Variants in BCAS3 observed in about 807,000 individuals in gnomAD.
BCAS3 encodes BCAS3 microtubule associated cell migration factor, also known as BCAS4/BCAS3 fusion.
Under a neutral mutation model 116.1 loss-of-function variants are expected in BCAS3, and 53 were observed. The observed-to-expected ratio is 0.46, with a 90% CI of 0.37 to 0.57. BCAS3 has a LOEUF of 0.57. BCAS3 is among the 20% of genes least tolerant of loss of function. BCAS3 has a pLI of 0.00. For missense variants in BCAS3, 917 were observed against 1,165.4 expected (o/e 0.79, Z 3.10); for synonymous variants, 391 against 408.2 (o/e 0.96, Z 0.51).
intron 14 of BCAS3, among the ~76,000 whole-genome samples, chr17:60,979,471 T>G (rs2062647433): frequency 6.7e-6 from 1 of 148,550 alleles, no homozygotes; most frequent in Non-Finnish European, 1.5e-5. Flanking sequence ...TGACTTCCTC[T>G]TGAATACACC....
intron 6 of BCAS3, among the ~76,000 whole-genome samples, chr17:60,798,691 C>T (rs1304652740): frequency 2.0e-5 from 3 of 152,178 alleles, no homozygotes; most frequent in Non-Finnish European, 2.9e-5. Context: ...AGTTCATTTT[C>T]GTAATTACCA....
chr17:60,831,862 G>T (rs1333968825), intron 7 of BCAS3, among the ~76,000 whole-genome samples: 1 of 101,302 alleles, frequency 9.9e-6, no homozygotes, highest in African/African-American at 5.3e-5. Context: ...ATATTGTAAA[G>T]TAATGTCATT....
At chr17:61,154,198 A>G (rs1312303219) in intron 22 of BCAS3, among the ~76,000 whole-genome samples, 1 of 152,092 alleles carries the variant, frequency 6.6e-6, no homozygotes, top group Non-Finnish European at 1.5e-5. Flanking sequence ...GGAAGGAAGG[A>G]AGGGAGGGAA....
At chr17:60,932,672 G>A (rs2059712407) in intron 13 of BCAS3, among the ~76,000 whole-genome samples, 2 of 149,772 alleles carry the variant, frequency 1.3e-5, no homozygotes, top group South Asian at 4.2e-4. Context: ...AACTTGGGAG[G>A]CGGAGCTTGC....
chr17:61,017,944 T>C lies in BCAS3; in HGVS notation c.1637+2043T>C, dbSNP rs1600504339. 6.6e-6 allele frequency among the ~76,000 whole-genome samples: 1 copy of C among 152,218 alleles called. No individual in the cohort carries two copies. Among genetic ancestry groups the C allele is most frequent in the African/African-American group, 2.4e-5 (1 of 41,462 alleles). ...GTTTCCTTTTCTTACAAAAATTTGC[T>C]CTCTGTTCTCAGATTTTTGGAGCAT... On this transcript the variant is annotated intron_variant, in intron 16 of 23. Transcript: ENST00000407086. This position sits in a 1 kb window ranked among gnomAD's most constrained non-coding sequence, Gnocchi z 4.7.
chr17:60,910,663 C>T lies in BCAS3; in HGVS notation c.954C>T (p.Ile318=). Residue 318 remains isoleucine, a synonymous_variant, in exon 12 of 24, where the codon ATC becomes ATT. Coordinates refer to ENST00000407086, the MANE Select transcript of BCAS3 (RefSeq NM_017679.5). The stretch of plus-strand genomic sequence containing the variant: ...GGCGGAGTCCTTTGGTCCCAGGCAT[C>T]ATCACAGTTATTGACACCGAAACCG... ...NSRRSPLVPG[I]ITVIDTETVG... is the part of the protein sequence containing the mutation. 1 of 1,612,204 alleles carries T rather than the reference C, an allele frequency of 6.2e-7. No individual in the cohort carries two copies. Among genetic ancestry groups the T allele is most frequent in the Non-Finnish European group, 8.5e-7 (1 of 1,179,156 alleles).
chr17:61,116,076 C>A (rs1354885017), intron 22 of BCAS3, among the ~76,000 whole-genome samples: 1 of 130,768 alleles, frequency 7.6e-6, no homozygotes, highest in African/African-American at 3.0e-5. Context: ...GAATATCACA[C>A]TCTGGGGACT....
rs1352227356 is a variant in BCAS3, at chr17:61,349,970, C to A, written c.2426-18357C>A. ...GTTAAGATCAATAATCTCTCCTGAA[C>A]AATTGGCTTTGGGACATTGTCTTTC... On this transcript the variant is annotated intron_variant, in intron 22 of 23. Transcript: ENST00000407086. This position sits in a 1 kb window ranked among gnomAD's most constrained non-coding sequence, Gnocchi z 4.7. Among the ~76,000 whole-genome samples the A allele has an allele frequency of 6.6e-6, 1 of 152,116 alleles. No individual in the cohort carries two copies. Among genetic ancestry groups the A allele is most frequent in the African/African-American group, 2.4e-5 (1 of 41,416 alleles).
At chr17:61,275,109 C>G (rs967087238) in intron 22 of BCAS3, among the ~76,000 whole-genome samples, 2 of 152,082 alleles carry the variant, frequency 1.3e-5, no homozygotes, top group African/African-American at 4.8e-5. Context: ...CATCAGCCTC[C>G]CAAAGTACTA....
Position 61,077,470 on chromosome 17 carries a change from T to C in BCAS3, c.2131-863T>C, listed in dbSNP as rs1212860831. On this transcript the variant is annotated intron_variant, in intron 20 of 23. Coordinates refer to ENST00000407086, the MANE Select transcript of BCAS3 (RefSeq NM_017679.5). The surrounding 1 kb of genome is among the most constrained non-coding windows in gnomAD (Gnocchi z 4.3). ...AGGCGGAGCTTGCAGTGAGCGGAGA[T>C]CACGCCACTGCACTCCAGTCTGGGC... Among the ~76,000 whole-genome samples the C allele has an allele frequency of 6.6e-6, 1 of 151,860 alleles. No homozygotes were observed. The highest frequency in any genetic ancestry group is 1.5e-5 in the Non-Finnish European group (1 of 67,996).
chr17:60,976,961 C>T (rs2062428234), intron 14 of BCAS3, among the ~76,000 whole-genome samples: 1 of 152,166 alleles, frequency 6.6e-6, no homozygotes, highest in Non-Finnish European at 1.5e-5. Flanking sequence ...GATACACCTC[C>T]CAGACGGGGT....
At position 61,171,721 on chromosome 17, in the gene BCAS3, A is replaced by G. The variant is rs2078850520; in HGVS notation, c.2425+87157A>G. Among the ~76,000 whole-genome samples, 1 of 152,156 alleles carries G rather than the reference A, an allele frequency of 6.6e-6. No individual in the cohort carries two copies. The highest frequency in any genetic ancestry group is 6.5e-5 in the Admixed American group (1 of 15,280). ...CTGCAGCCTCAAACTCCTGGGCTCAAGTCATCCTCCTGCTTCAGCCTCCTG... is the reference window on the plus strand; with the variant it reads ...CTGCAGCCTCAAACTCCTGGGCTCAGGTCATCCTCCTGCTTCAGCCTCCTG... On this transcript the variant is annotated intron_variant, in intron 22 of 23. Coordinates refer to ENST00000407086, the MANE Select transcript of BCAS3 (RefSeq NM_017679.5). This position sits in a 1 kb window ranked among gnomAD's most constrained non-coding sequence, Gnocchi z 4.1.
At position 61,017,709 on chromosome 17, in the gene BCAS3, T is replaced by G. The variant is rs1374797728; in HGVS notation, c.1637+1808T>G. 2.0e-5 allele frequency among the ~76,000 whole-genome samples: 3 copies of G among 152,196 alleles called. No individual in the cohort carries two copies. Among genetic ancestry groups the G allele is most frequent in the Admixed American group, 6.5e-5 (1 of 15,288 alleles). On this transcript the variant is annotated intron_variant, in intron 16 of 23. Transcript: ENST00000407086. The surrounding 1 kb of genome is among the most constrained non-coding windows in gnomAD (Gnocchi z 4.7). Reference sequence around the variant, plus strand: ...AAATGATATGATGTTAGAATTTAATTCATAATATTTATGGTGAGGGGTAGG... The same window carrying G: ...AAATGATATGATGTTAGAATTTAATGCATAATATTTATGGTGAGGGGTAGG...
chr17:61,037,828 A>G lies in BCAS3; in HGVS notation c.1763-61A>G, dbSNP rs1218830199. The G allele has an allele frequency of 8.3e-6, 12 of 1,444,488 alleles. No homozygotes were observed. Among genetic ancestry groups the G allele is most frequent in the African/African-American group, 1.4e-5 (1 of 70,422 alleles). The allele number at this position is 1,444,488 out of a possible 1,614,324, so 89.5% of individuals were successfully genotyped here. ...ACTAATAAGATCATTAACTTGTAAA[A>G]ATTATTCTGTGCTCCATTTATGCCA... On this transcript the variant is annotated intron_variant, in intron 17 of 23. Transcript: ENST00000407086. This position sits in a 1 kb window ranked among gnomAD's most constrained non-coding sequence, Gnocchi z 4.7.
At chr17:61,287,707 C>G (rs2051967594) in intron 22 of BCAS3, among the ~76,000 whole-genome samples, 2 of 151,978 alleles carry the variant, frequency 1.3e-5, no homozygotes, top group South Asian at 4.1e-4. Flanking sequence ...GCCTGGGTGA[C>G]AGAGTGAGAC....
At chr17:61,150,512 C>G (rs1245260188) in intron 22 of BCAS3, among the ~76,000 whole-genome samples, 1 of 152,166 alleles carries the variant, frequency 6.6e-6, no homozygotes, top group Non-Finnish European at 1.5e-5. Context: ...AGATGTGTGA[C>G]AGAGCTCTGC....
intron 22 of BCAS3, among the ~76,000 whole-genome samples, chr17:61,305,813 T>A (rs1436198595): frequency 6.6e-6 from 1 of 152,192 alleles, no homozygotes; most frequent in East Asian, 1.9e-4. Flanking sequence ...TGAGAATCAC[T>A]TGAACCTGGT....
intron 5 of BCAS3, among the ~76,000 whole-genome samples, chr17:60,719,663 A>G (rs944366993): frequency 5.3e-5 from 8 of 152,166 alleles, no homozygotes; most frequent in African/African-American, 1.9e-4. Context: ...AATAATTTGG[A>G]CTCGTTGAGA....
intron 15 of BCAS3, among the ~76,000 whole-genome samples, chr17:60,996,137 A>T (rs2145454608): frequency 6.6e-6 from 1 of 152,146 alleles, no homozygotes; most frequent in East Asian, 1.9e-4. Flanking sequence ...TTAGCCTTTC[A>T]CTCAGCATGA....
Sources: allele counts gnomAD v4.1 joint callset (sites outside exome capture counted in the v4.1 genomes callset), GRCh38; gene constraint gnomAD v4.1.1; non-coding constraint Gnocchi (gnomAD v3.1); transcripts MANE v1.5; gene names NCBI Gene and HGNC (gene_info 2026-07-23, HGNC 2026-07-21).